Variants in CREB5 observed in about 807,000 individuals in gnomAD.
CREB5 encodes cyclic AMP-responsive element-binding protein 5.
CREB5 carries 19 observed loss-of-function variants against 57.1 expected under a neutral mutation model. That is an observed-to-expected ratio of 0.33 (90% confidence interval 0.23 to 0.49). The LOEUF is 0.49. CREB5 is among the 20% of genes least tolerant of loss of function. CREB5 has a pLI of 0.99. For synonymous variants in CREB5, 238 were observed against 238.3 expected (o/e 1.00, Z 0.01); for missense variants, 579 against 671.6 (o/e 0.86, Z 1.52).
intron 4 of CREB5, among the ~76,000 whole-genome samples, chr7:28,533,155 G>A (rs912204676): frequency 6.6e-6 from 1 of 151,954 alleles, no homozygotes; most frequent in Non-Finnish European, 1.5e-5. Flanking sequence ...GCAGTGAGCC[G>A]ATATCGTACC....
chr7:28,383,134 G>C (rs775883730), intron 1 of CREB5, among the ~76,000 whole-genome samples: 2 of 152,190 alleles, frequency 1.3e-5, no homozygotes, highest in African/African-American at 2.4e-5. Context: ...TCTGGAGGCA[G>C]AGACCAATGA....
At chr7:28,816,302 A>AAGTT (rs1434590561) in intron 9 of CREB5, among the ~76,000 whole-genome samples, 1 of 152,158 alleles carries the variant, frequency 6.6e-6, no homozygotes, top group African/African-American at 2.4e-5. Flanking sequence ...ATTGTCCTGT[A>AAGTT]AGTTATCCCA....
chr7:28,659,373 T>A (rs17156975), intron 5 of CREB5, among the ~76,000 whole-genome samples: 7,840 of 152,178 alleles, frequency 0.052, 706 homozygotes, highest in African/African-American at 0.18. Flanking sequence ...AAGCATTTTT[T>A]CCAATTATGA....
intron 7 of CREB5, among the ~76,000 whole-genome samples, chr7:28,782,330 C>A (rs1807035499): frequency 6.6e-6 from 1 of 151,780 alleles, no homozygotes; most frequent in Non-Finnish European, 1.5e-5. Flanking sequence ...AATTATCACA[C>A]AGAATATTTA....
Position 28,442,746 on chromosome 7 carries a change from A to G in CREB5, c.3+29829A>G, listed in dbSNP as rs371032710. Among the ~76,000 whole-genome samples, 10 of 152,200 alleles carry G rather than the reference A, an allele frequency of 6.6e-5. No homozygotes were observed. The East Asian group carries it at 1.7e-3, about 26-fold the overall frequency. ...TTGTATAGTAAATGGTTAAAGTCAC[A>G]TTAATCACTGTAATGTTGTGACTCA... On this transcript the variant is annotated intron_variant, in intron 1 of 10. Transcript: ENST00000357727.
At chr7:28,434,787 T>C (rs1351797425) in intron 1 of CREB5, among the ~76,000 whole-genome samples, 3 of 152,176 alleles carry the variant, frequency 2.0e-5, no homozygotes, top group African/African-American at 7.2e-5. Flanking sequence ...TGCTGAACCA[T>C]GGCCCTGGCT....
At chr7:28,597,252 T>C (rs1452721261) in intron 5 of CREB5, among the ~76,000 whole-genome samples, 1 of 152,218 alleles carries the variant, frequency 6.6e-6, no homozygotes, top group East Asian at 1.9e-4. Context: ...TCCTCTGTTA[T>C]TGCTCTCTGA....
At chr7:28,593,227 TTATTG>T (rs1418357667) in intron 5 of CREB5, among the ~76,000 whole-genome samples, 1 of 152,142 alleles carries the variant, frequency 6.6e-6, no homozygotes, top group African/African-American at 2.4e-5. Context: ...TTTTTTTATT[TTATTG>T]ATTTTTTAAA....
rs186489557 is a variant in CREB5 at position 28,476,219 on chromosome 7, C to T, written c.4-11956C>T. Among the ~76,000 whole-genome samples, 200 of 152,264 alleles carry T rather than the reference C, an allele frequency of 1.3e-3. 2 individuals carry two copies. The highest frequency in any genetic ancestry group is 4.6e-3 in the African/African-American group (190 of 41,558). On this transcript the variant is annotated intron_variant, in intron 1 of 10. Coordinates refer to ENST00000357727, the MANE Select transcript of CREB5 (RefSeq NM_182898.4). ...GCCTTCAAGTAAAAAGTTGGCAGAT[C>T]AGGATTTGCTTGATAATTGCTGGAT...
chr7:28,418,322 C>T (rs905578974), intron 1 of CREB5, among the ~76,000 whole-genome samples: 4 of 152,132 alleles, frequency 2.6e-5, no homozygotes, highest in African/African-American at 9.7e-5. Context: ...TTTTATAATA[C>T]ACCAGTCTGT....
chr7:28,513,137 A>T (rs552548901), intron 4 of CREB5, among the ~76,000 whole-genome samples: 37 of 152,190 alleles, frequency 2.4e-4, no homozygotes, highest in Non-Finnish European at 4.4e-4. Context: ...GCGGAAGGAG[A>T]GGCACTTTGC....
intron 2 of CREB5, among the ~76,000 whole-genome samples, chr7:28,488,979 T>C (rs1169081853): frequency 6.6e-6 from 1 of 152,194 alleles, no homozygotes; most frequent in Non-Finnish European, 1.5e-5. Context: ...ATTAGAAACA[T>C]TCATCACCTA....
chr7:28,586,750 T>G (rs1796320914), intron 5 of CREB5, among the ~76,000 whole-genome samples: 1 of 152,162 alleles, frequency 6.6e-6, no homozygotes, highest in Non-Finnish European at 1.5e-5. Context: ...CTAAAAGTGG[T>G]TTGTAAGCAA....
intron 9 of CREB5, among the ~76,000 whole-genome samples, chr7:28,817,569 A>G (rs1402142983): frequency 6.6e-6 from 1 of 152,172 alleles, no homozygotes; most frequent in Non-Finnish European, 1.5e-5. Flanking sequence ...CACATTCTCA[A>G]TTGGATGTAA....
chr7:28,799,089 T>C (rs1272219471), intron 7 of CREB5, among the ~76,000 whole-genome samples: 6 of 152,214 alleles, frequency 3.9e-5, no homozygotes, highest in African/African-American at 1.2e-4. Flanking sequence ...GTAGGTTCCT[T>C]AGGACTTCGA....
At chr7:28,728,900 T>C (rs905839023) in intron 7 of CREB5, among the ~76,000 whole-genome samples, 6 of 152,176 alleles carry the variant, frequency 3.9e-5, no homozygotes, top group Non-Finnish European at 5.9e-5. Flanking sequence ...TACCTAAATC[T>C]GTCATTTTTT....
rs1057425355 is a variant in CREB5 at position 28,520,008 on chromosome 7, A to G, written c.291+12271A>G. 2.0e-5 allele frequency among the ~76,000 whole-genome samples: 3 copies of G among 152,212 alleles called. 1 individual carries two copies. The highest frequency in any genetic ancestry group is 3.9e-4 in the East Asian group (2 of 5,192). On this transcript the variant is annotated intron_variant, in intron 4 of 10. Transcript: ENST00000357727. ...ACATGTGTGTCTCTGATTTTTGCAC[A>G]TGAGTTGGTGTTAGAAGGGAAAATA...
chr7:28,560,835 T>TGCGCGTGCGTGCGTGTGCGTGC (rs1450019513), intron 4 of CREB5, among the ~76,000 whole-genome samples: 1 of 59,746 alleles, frequency 1.7e-5, no homozygotes, highest in Admixed American at 2.1e-4. Flanking sequence ...CGCGCGCGCG[T>TGCGCGTGCGTGCGTGTGCGTGC]GTGTGTGTGC....
intron 7 of CREB5, among the ~76,000 whole-genome samples, chr7:28,741,921 C>G (rs1357462874): frequency 1.3e-5 from 2 of 151,746 alleles, no homozygotes; most frequent in African/African-American, 4.8e-5. Flanking sequence ...CAAAAATTAG[C>G]CAGGCGTGGT....
Sources: allele counts gnomAD v4.1 joint callset (sites outside exome capture counted in the v4.1 genomes callset), GRCh38; gene constraint gnomAD v4.1.1; transcripts MANE v1.5; gene names NCBI Gene and HGNC (gene_info 2026-07-23, HGNC 2026-07-21).